SHROOM4: variants seen among roughly 807,000 people sequenced by gnomAD.
SHROOM4 encodes the protein shroom family member 4, also known as protein Shroom4.
SHROOM4 carries 17 observed loss-of-function variants against 80.3 expected under a neutral mutation model. That is an observed-to-expected ratio of 0.21 (90% CI 0.14 to 0.32). The LOEUF is 0.32. Among genes scored for constraint, SHROOM4 ranks in the 10% least tolerant of loss-of-function variants. The pLI is 1.00. For missense variants in SHROOM4, 993 were observed against 1,140.3 expected (o/e 0.87, Z 1.86); for synonymous variants, 400 against 437.5 (o/e 0.91, Z 1.07).
At chrX:50,802,341 A>C in intron 1 of SHROOM4, among the ~76,000 whole-genome samples, 1 of 111,986 alleles carries the variant, frequency 8.9e-6, no homozygotes, top group Non-Finnish European at 1.9e-5. Flanking sequence ...GGCTTTAAAT[A>C]AACATGCTCC....
At chrX:50,642,227 T>C (rs1315159012) in intron 2 of SHROOM4, among the ~76,000 whole-genome samples, 1 of 112,257 alleles carries the variant, frequency 8.9e-6, no homozygotes, top group East Asian at 2.8e-4. Flanking sequence ...AGATTTTTTA[T>C]CTGCAAAATG....
chrX:50,589,124 T>A lies in SHROOM4; in HGVS notation c.*7571A>T, dbSNP rs906923501. ...TCCTTATGTTGCTGGGTCTTCCAGG[T>A]CTTCAAGGGGAAGGTTGTAATAGTA... On this transcript the variant is annotated 3_prime_UTR_variant, in exon 9 of 9. Coordinates refer to ENST00000376020, the MANE Select transcript of SHROOM4 (RefSeq NM_020717.5). Among the ~76,000 whole-genome samples, 26 of 111,599 alleles carry A rather than the reference T, an allele frequency of 2.3e-4. No individual in the cohort carries two copies. The highest frequency in any genetic ancestry group is 8.5e-4 in the African/African-American group (26 of 30,683).
chrX:50,788,826 G>A (rs2147695883), intron 1 of SHROOM4, among the ~76,000 whole-genome samples: 1 of 111,079 alleles, frequency 9.0e-6, no homozygotes, highest in African/African-American at 3.3e-5. Flanking sequence ...TAAAGGAATG[G>A]ACAAAGACAT....
chrX:50,742,887 G>A (rs372374463), intron 1 of SHROOM4, among the ~76,000 whole-genome samples: 2 of 112,191 alleles, frequency 1.8e-5, no homozygotes, highest in East Asian at 5.6e-4. Flanking sequence ...GGACAGAGTA[G>A]TAACATAAAT....
chrX:50,711,432 T>A lies in SHROOM4; in HGVS notation c.118-15495A>T, dbSNP rs2147492916. Reference sequence around the variant, plus strand: ...AATTTCTGGGGTGATGGTAGTGTTCTATACATTAATAGAGATTTTGGATAC... The same window carrying A: ...AATTTCTGGGGTGATGGTAGTGTTCAATACATTAATAGAGATTTTGGATAC... On this transcript the variant is annotated intron_variant, in intron 1 of 8. Transcript: ENST00000376020. 1.8e-5 allele frequency among the ~76,000 whole-genome samples: 2 copies of A among 112,216 alleles called. 1 individual carries two copies. The highest frequency in any genetic ancestry group is 7.5e-4 in the South Asian group (2 of 2,683).
intron 1 of SHROOM4, among the ~76,000 whole-genome samples, chrX:50,734,951 T>C (rs1242167011): frequency 3.7e-5 from 4 of 109,451 alleles, no homozygotes; most frequent in African/African-American, 1.3e-4. Context: ...TCTTCTGCCA[T>C]GATTGTGAGG....
intron 1 of SHROOM4, among the ~76,000 whole-genome samples, chrX:50,780,640 G>A (rs1301321902): frequency 1.8e-5 from 2 of 111,418 alleles, no homozygotes; most frequent in East Asian, 5.7e-4. Flanking sequence ...ATAAAAACTA[G>A]GACTGTAGAG....
chrX:50,808,809 G>A (rs782627146), intron 1 of SHROOM4, among the ~76,000 whole-genome samples: 1 of 110,702 alleles, frequency 9.0e-6, no homozygotes, highest in East Asian at 2.9e-4. Context: ...TTTTCTTTGT[G>A]TGAAGTTTTG....
At chrX:50,610,352 T>TCTCACA (rs782591424) in intron 5 of SHROOM4, among the ~76,000 whole-genome samples, 69 of 91,695 alleles carry the variant, frequency 7.5e-4, no homozygotes, top group African/African-American at 2.2e-3. Context: ...TCTCTCTCTC[T>TCTCACA]CACACACACA....
chrX:50,665,008 C>T (rs782371795), intron 2 of SHROOM4, among the ~76,000 whole-genome samples: 4 of 110,539 alleles, frequency 3.6e-5, no homozygotes, highest in African/African-American at 1.3e-4. Flanking sequence ...AAAAGACATA[C>T]TGAAAAGACA....
At chrX:50,618,379 C>T (rs1930398723) in intron 5 of SHROOM4, among the ~76,000 whole-genome samples, 1 of 52,761 alleles carries the variant, frequency 1.9e-5, no homozygotes. Context: ...TTCCTTCCTT[C>T]CTTCCTTCCT....
At chrX:50,657,437 T>C (rs1281680922) in intron 2 of SHROOM4, among the ~76,000 whole-genome samples, 1 of 110,556 alleles carries the variant, frequency 9.0e-6, no homozygotes, top group African/African-American at 3.3e-5. Context: ...CTACACCTAA[T>C]TTTTGGACAG....
downstream of SHROOM4, among the ~76,000 whole-genome samples, chrX:50,583,750 A>AGGCAT (rs1928707192): frequency 9.0e-6 from 1 of 111,342 alleles, no homozygotes; most frequent in African/African-American, 3.3e-5. Context: ...GGCCACAAGA[A>AGGCAT]AATGTATCTG....
At chrX:50,629,671 A>T (rs1557253746) in intron 4 of SHROOM4, among the ~76,000 whole-genome samples, 1 of 111,607 alleles carries the variant, frequency 9.0e-6, no homozygotes, top group African/African-American at 3.3e-5. Flanking sequence ...GGGAGATCCT[A>T]TTATAACTTA....
intron 5 of SHROOM4, among the ~76,000 whole-genome samples, chrX:50,624,669 G>T: frequency 9.5e-6 from 1 of 105,033 alleles, no homozygotes. Flanking sequence ...ATGGAATGCG[G>T]TCATGTGATC....
intron 2 of SHROOM4, among the ~76,000 whole-genome samples, chrX:50,675,837 T>G (rs1557261229): frequency 9.0e-6 from 1 of 111,421 alleles, no homozygotes; most frequent in Non-Finnish European, 1.9e-5. Flanking sequence ...TAGTTTAGAT[T>G]CCCCTCAATG....
At position 50,653,638 on chromosome X, in the gene SHROOM4, T is replaced by G. The variant is rs1191544381; in HGVS notation, c.270-15330A>C. Reference sequence around the variant, plus strand: ...GTGGTGAGAGAGGCCATCCTTGTCTTGTGTGGGTTTTCAAAGGGAATGTCT... The same window carrying G: ...GTGGTGAGAGAGGCCATCCTTGTCTGGTGTGGGTTTTCAAAGGGAATGTCT... On this transcript the variant is annotated intron_variant, in intron 2 of 8. Coordinates refer to ENST00000376020, the MANE Select transcript of SHROOM4 (RefSeq NM_020717.5). Among the ~76,000 whole-genome samples, 5 of 111,675 alleles carry G rather than the reference T, an allele frequency of 4.5e-5. No individual in the cohort carries two copies. The Admixed American group carries it at 4.8e-4, about 11-fold the overall frequency.
At chrX:50,581,512 G>T in the SHROOM4 span, among the ~76,000 whole-genome samples, 2 of 111,412 alleles carry the variant, frequency 1.8e-5, no homozygotes, top group Non-Finnish European at 3.8e-5. Context: ...AAGGAGGGTG[G>T]TGTAAAGAGT....
intron 1 of SHROOM4, among the ~76,000 whole-genome samples, chrX:50,702,092 A>G (rs1557263572): frequency 8.9e-6 from 1 of 112,385 alleles, no homozygotes; most frequent in African/African-American, 3.2e-5. Context: ...TCACTAAAAG[A>G]GATAGCCAAA....
Sources: allele counts gnomAD v4.1 joint callset (sites outside exome capture counted in the v4.1 genomes callset), GRCh38; gene constraint gnomAD v4.1.1; transcripts MANE v1.5; gene names NCBI Gene and HGNC (gene_info 2026-07-23, HGNC 2026-07-21).